Variants in AFG2A observed in about 807,000 individuals in gnomAD.
AFG2A encodes ATPase family gene 2 protein homolog A.
At chr4:122,986,565 A>G in the AFG2A span, among the ~76,000 whole-genome samples, 2 of 152,146 alleles carry the variant, frequency 1.3e-5, no homozygotes, top group Non-Finnish European at 2.9e-5. Context: ...CAAAGTCATA[A>G]GAATATAATG....
chr4:123,098,447 G>A, the AFG2A span, among the ~76,000 whole-genome samples: 1 of 151,938 alleles, frequency 6.6e-6, no homozygotes. Flanking sequence ...TCACCCTACA[G>A]TACAATAGAC....
At chr4:123,016,282 G>A in the AFG2A span, among the ~76,000 whole-genome samples, 17 of 151,082 alleles carry the variant, frequency 1.1e-4, no homozygotes, top group African/African-American at 3.9e-4. Context: ...CCTCCCTCCC[G>A]GATGGGGTGG....
the AFG2A span, among the ~76,000 whole-genome samples, chr4:123,228,615 T>G: frequency 6.6e-6 from 1 of 152,018 alleles, no homozygotes; most frequent in East Asian, 1.9e-4. Context: ...ATGCTGATTA[T>G]TTTAATATGC....
the AFG2A span, among the ~76,000 whole-genome samples, chr4:123,016,723 G>A: frequency 2.6e-5 from 4 of 151,870 alleles, no homozygotes; most frequent in African/African-American, 7.3e-5. Context: ...ACGGGGTGGC[G>A]GCCGGGCAGA....
chr4:123,135,530 C>T, the AFG2A span, among the ~76,000 whole-genome samples: 3 of 152,176 alleles, frequency 2.0e-5, no homozygotes, highest in African/African-American at 7.2e-5. Flanking sequence ...GTGGGTTCTG[C>T]ATCTTTGGAT....
At chr4:123,007,490 G>C in the AFG2A span, among the ~76,000 whole-genome samples, 117 of 149,230 alleles carry the variant, frequency 7.8e-4, no homozygotes, top group South Asian at 7.1e-3. Flanking sequence ...CAGGGGAGCT[G>C]TTTTATTCTT....
the AFG2A span, among the ~76,000 whole-genome samples, chr4:123,099,534 T>A: frequency 1.3e-4 from 20 of 151,832 alleles, no homozygotes; most frequent in East Asian, 3.5e-3. Flanking sequence ...CCACAGAGTT[T>A]TTTTTTTTAA....
chr4:122,973,455 T>G, the AFG2A span, among the ~76,000 whole-genome samples: 1 of 151,076 alleles, frequency 6.6e-6, no homozygotes, highest in South Asian at 2.1e-4. Flanking sequence ...CACTTGTATG[T>G]TTTTTTTCCT....
the AFG2A span, among the ~76,000 whole-genome samples, chr4:123,202,351 T>C: frequency 6.6e-6 from 1 of 152,194 alleles, no homozygotes; most frequent in Non-Finnish European, 1.5e-5. Context: ...ATGCAATGTA[T>C]ATAAACATAT....
the AFG2A span, among the ~76,000 whole-genome samples, chr4:123,023,523 TCTAA>T: frequency 6.6e-6 from 1 of 152,196 alleles, no homozygotes; most frequent in Non-Finnish European, 1.5e-5. Context: ...AATATTTCCT[TCTAA>T]CTCTTTCTTT....
At chr4:122,940,100 A>G in the AFG2A span, among the ~76,000 whole-genome samples, 1 of 152,174 alleles carries the variant, frequency 6.6e-6, no homozygotes, top group Non-Finnish European at 1.5e-5. Flanking sequence ...ATACGTGTGC[A>G]TGTGTCTTTA....
At chr4:123,194,484 G>A in the AFG2A span, among the ~76,000 whole-genome samples, 4 of 152,080 alleles carry the variant, frequency 2.6e-5, no homozygotes, top group African/African-American at 7.2e-5. Flanking sequence ...ATTTTTTATA[G>A]TATCTTTTCT....
At chr4:123,018,268 G>T in the AFG2A span, among the ~76,000 whole-genome samples, 1 of 152,192 alleles carries the variant, frequency 6.6e-6, no homozygotes, top group African/African-American at 2.4e-5. Context: ...TATGTGAGCA[G>T]CTGTTCACTG....
At chr4:123,296,661 C>T in the AFG2A span, among the ~76,000 whole-genome samples, 19 of 151,826 alleles carry the variant, frequency 1.3e-4, no homozygotes, top group African/African-American at 4.6e-4. Context: ...CAAAATTGGT[C>T]ATGAGTTGGT....
At chr4:122,936,011 T>G in the AFG2A span, 1 of 1,339,702 alleles carries the variant, frequency 7.5e-7, no homozygotes, top group South Asian at 1.5e-5. Flanking sequence ...TTAAGTATTA[T>G]AGAAATATTG....
At chr4:123,235,996 C>G in the AFG2A span, among the ~76,000 whole-genome samples, 1 of 152,086 alleles carries the variant, frequency 6.6e-6, no homozygotes, top group Admixed American at 6.6e-5. Context: ...TCAAAATGAA[C>G]TTCTTTCTCT....
chr4:123,031,901 G>A, the AFG2A span, among the ~76,000 whole-genome samples: 1 of 152,184 alleles, frequency 6.6e-6, no homozygotes, highest in Non-Finnish European at 1.5e-5. Flanking sequence ...ATATATATGT[G>A]TTTTTGTGTA....
the AFG2A span, among the ~76,000 whole-genome samples, chr4:123,008,584 G>A: frequency 7.2e-5 from 11 of 152,248 alleles, no homozygotes; most frequent in South Asian, 2.1e-4. Context: ...CACATGTCCC[G>A]TGTTAAAATT....
At chr4:123,262,456 G>T in the AFG2A span, among the ~76,000 whole-genome samples, 1 of 152,196 alleles carries the variant, frequency 6.6e-6, no homozygotes, top group Non-Finnish European at 1.5e-5. Flanking sequence ...AGGTCTCTCA[G>T]TTCCACTTGA....
Sources: allele counts gnomAD v4.1 joint callset (sites outside exome capture counted in the v4.1 genomes callset), GRCh38; gene constraint gnomAD v4.1.1; transcripts MANE v1.5; gene names NCBI Gene and HGNC (gene_info 2026-07-23, HGNC 2026-07-21).